PTPRK: variants seen among roughly 807,000 people sequenced by gnomAD.
The protein encoded by PTPRK is receptor-type tyrosine-protein phosphatase kappa.
A neutral mutation model predicts 178.0 loss-of-function variants in PTPRK; 75 were observed. That is an observed-to-expected ratio of 0.42 (90% confidence interval 0.35 to 0.51). The LOEUF is 0.51. PTPRK is among the 20% of genes least tolerant of loss of function. PTPRK has a pLI of 0.02. For synonymous variants in PTPRK, 637 were observed against 620.6 expected (o/e 1.03, Z -0.39); for missense variants, 1,441 against 1,797.8 (o/e 0.80, Z 3.59).
At chr6:128,508,584 C>T (rs867738090) in intron 1 of PTPRK, among the ~76,000 whole-genome samples, 3 of 152,140 alleles carry the variant, frequency 2.0e-5, no homozygotes, top group African/African-American at 7.2e-5. Flanking sequence ...GTAGGACCCC[C>T]TTACCCACAG....
Position 128,008,409 on chromosome 6 carries a change from T to C in PTPRK, c.2333+721A>G, listed in dbSNP as rs528565574. Among the ~76,000 whole-genome samples the C allele has an allele frequency of 2.0e-5, 3 of 151,058 alleles. No individual in the cohort carries two copies. The South Asian group carries it at 6.2e-4, about 31-fold the overall frequency. On this transcript the variant is annotated intron_variant, in intron 14 of 29. Transcript: ENST00000368226. ...GGGAAGGATTAGAGTGCTATATTAG[T>C]TTCCAAGACAATGCCTTACAGATTT...
intron 1 of PTPRK, among the ~76,000 whole-genome samples, chr6:128,440,886 C>T (rs189075837): frequency 5.9e-5 from 9 of 152,018 alleles, no homozygotes; most frequent in African/African-American, 2.2e-4. Flanking sequence ...AAAAATACCA[C>T]GGTGAATATC....
At chr6:128,456,068 T>C (rs1422177424) in intron 1 of PTPRK, among the ~76,000 whole-genome samples, 1 of 152,082 alleles carries the variant, frequency 6.6e-6, no homozygotes, top group East Asian at 1.9e-4. Flanking sequence ...TGTTTTATCA[T>C]GAATCGGGCT....
intron 13 of PTPRK, among the ~76,000 whole-genome samples, chr6:128,058,278 G>C (rs1336739128): frequency 6.6e-6 from 1 of 152,196 alleles, no homozygotes. Context: ...CCACCAGCAG[G>C]ATGGTAGGAG....
At chr6:128,031,890 C>A (rs372321866) in intron 13 of PTPRK, among the ~76,000 whole-genome samples, 54 of 152,280 alleles carry the variant, frequency 3.5e-4, no homozygotes, top group Middle Eastern at 3.4e-3. Flanking sequence ...TCTGAGTCAG[C>A]ATCCTCAATC....
chr6:128,091,225 G>T (rs1356602791), intron 7 of PTPRK, among the ~76,000 whole-genome samples: 1 of 152,120 alleles, frequency 6.6e-6, no homozygotes, highest in Non-Finnish European at 1.5e-5. Flanking sequence ...CCAGTCTTAT[G>T]ACTATTCACA....
At chr6:128,295,450 TTACA>T (rs150263569) in intron 3 of PTPRK, among the ~76,000 whole-genome samples, 3,165 of 152,160 alleles carry the variant, frequency 0.021, 101 homozygotes, top group African/African-American at 0.072. Flanking sequence ...ATGGATTTTT[TTACA>T]TACTAATTAA....
chr6:128,000,294 A>C (rs1332945116), intron 15 of PTPRK: 2 of 1,301,664 alleles, frequency 1.5e-6, no homozygotes, highest in Non-Finnish European at 2.0e-6. Flanking sequence ...TATAGCAAAA[A>C]ATGAATTGTT....
rs1348691417 is a variant in PTPRK at position 128,240,077 on chromosome 6, A to G, written c.651T>C (p.Ile217=). ...NAGQNATFQC[I]ATGRDAVHNK... is the part of the protein sequence containing the mutation. ...TATGCACAGCATCTCTCCCTGTGGCAATGCACTGAAATGTAGCGTTTTGCC... is the reference window on the plus strand; with the variant it reads ...TATGCACAGCATCTCTCCCTGTGGCGATGCACTGAAATGTAGCGTTTTGCC... The change falls in exon 5 of 30, where the codon ATT becomes ATC. Residue 217 remains isoleucine, a synonymous_variant. Coordinates refer to ENST00000368226, the MANE Select transcript of PTPRK (RefSeq NM_002844.4). 3.7e-6 allele frequency: 6 copies of G among 1,614,028 alleles called. No individual in the cohort carries two copies. Among genetic ancestry groups the G allele is most frequent in the Non-Finnish European group, 5.1e-6 (6 of 1,179,986 alleles).
At chr6:128,009,802 A>G (rs915248357) in intron 13 of PTPRK, among the ~76,000 whole-genome samples, 2 of 151,244 alleles carry the variant, frequency 1.3e-5, no homozygotes, top group Admixed American at 1.3e-4. Flanking sequence ...TTGAGTTGGC[A>G]CAAGAGAAGA....
intron 1 of PTPRK, among the ~76,000 whole-genome samples, chr6:128,463,614 C>T (rs1849361494): frequency 6.6e-6 from 1 of 152,030 alleles, no homozygotes; most frequent in Non-Finnish European, 1.5e-5. Context: ...TAAAGATATG[C>T]ACCTTTCCAG....
At chr6:128,295,998 T>C (rs746687303) in intron 3 of PTPRK, among the ~76,000 whole-genome samples, 3 of 152,078 alleles carry the variant, frequency 2.0e-5, no homozygotes, top group African/African-American at 2.4e-5. Context: ...TGAAATCAAG[T>C]TCCTAGCAAG....
chr6:128,369,371 T>C (rs929527230), intron 2 of PTPRK, among the ~76,000 whole-genome samples: 2 of 151,924 alleles, frequency 1.3e-5, no homozygotes, highest in African/African-American at 2.4e-5. Flanking sequence ...ATAAGAACAA[T>C]ATAGATAGAC....
intron 3 of PTPRK, among the ~76,000 whole-genome samples, chr6:128,277,312 A>G (rs1413986921): frequency 6.6e-6 from 1 of 152,194 alleles, no homozygotes; most frequent in Non-Finnish European, 1.5e-5. Flanking sequence ...TGAACCAAAT[A>G]AAATAACATT....
intron 2 of PTPRK, among the ~76,000 whole-genome samples, chr6:128,371,895 G>A (rs1473973407): frequency 2.0e-5 from 3 of 151,242 alleles, no homozygotes; most frequent in Non-Finnish European, 4.4e-5. Context: ...AAAAAAGAGA[G>A]AGAGAGAGAA....
intron 2 of PTPRK, among the ~76,000 whole-genome samples, chr6:128,375,977 C>T (rs747085550): frequency 6.6e-6 from 1 of 152,144 alleles, no homozygotes; most frequent in Non-Finnish European, 1.5e-5. Flanking sequence ...GCAGTTCCAC[C>T]TCTGTGGCTT....
chr6:128,168,934 G>C (rs1349058847), intron 7 of PTPRK, among the ~76,000 whole-genome samples: 1 of 152,068 alleles, frequency 6.6e-6, no homozygotes, highest in African/African-American at 2.4e-5. Flanking sequence ...GTGACATCGT[G>C]GGTAAACCTG....
chr6:128,248,548 G>A lies in PTPRK; in HGVS notation c.496-5946C>T, dbSNP rs117490344. ...ATCACAAAAGCTTATTAATAAAAGA[G>A]TATCTAAAGGAGAAGAGATGTCAGG... is the stretch of plus-strand genomic sequence containing the variant. On this transcript the variant is annotated intron_variant, in intron 3 of 29. Coordinates refer to ENST00000368226, the MANE Select transcript of PTPRK (RefSeq NM_002844.4). 4.4e-3 allele frequency among the ~76,000 whole-genome samples: 668 copies of A among 152,208 alleles called. 3 individuals carry two copies. Among genetic ancestry groups the A allele is most frequent in the Non-Finnish European group, 4.5e-3 (306 of 67,998 alleles).
chr6:128,282,716 T>C (rs1348602443), intron 3 of PTPRK, among the ~76,000 whole-genome samples: 7 of 152,168 alleles, frequency 4.6e-5, no homozygotes, highest in Admixed American at 4.6e-4. Context: ...TAGTGAATTG[T>C]GTGCTGAATA....
Sources: allele counts gnomAD v4.1 joint callset (sites outside exome capture counted in the v4.1 genomes callset), GRCh38; gene constraint gnomAD v4.1.1; transcripts MANE v1.5; gene names NCBI Gene and HGNC (gene_info 2026-07-23, HGNC 2026-07-21).